ISM1: variants seen among roughly 807,000 people sequenced by gnomAD.
ISM1 encodes isthmin-1.
ISM1 carries 25 observed loss-of-function variants against 46.3 expected under a neutral mutation model. That is an observed-to-expected ratio of 0.54 (90% confidence interval 0.39 to 0.75). The LOEUF is 0.75. Ranked by LOEUF, ISM1 falls within the 30% of genes least tolerant of loss-of-function variation. ISM1 has a pLI of 0.00. For synonymous variants in ISM1, 255 were observed against 256.7 expected, an observed-to-expected ratio of 0.99 and a Z score of 0.06; for missense variants, 536 against 625.4, an observed-to-expected ratio of 0.86 and a Z score of 1.52.
intron 2 of ISM1, among the ~76,000 whole-genome samples, chr20:13,271,747 C>A (rs941653326): frequency 2.6e-5 from 4 of 152,138 alleles, no homozygotes; most frequent in Non-Finnish European, 5.9e-5. Flanking sequence ...GGCAACCCAG[C>A]CCCTATCCAA....
the ISM1 span, among the ~76,000 whole-genome samples, chr20:13,323,072 C>T: frequency 1.2e-4 from 18 of 152,032 alleles, no homozygotes; most frequent in Non-Finnish European, 2.2e-4. Context: ...ACCACCCAGG[C>T]ATTGTGTCAC....
the ISM1 span, among the ~76,000 whole-genome samples, chr20:13,305,716 G>C: frequency 2.6e-5 from 4 of 152,230 alleles, no homozygotes; most frequent in African/African-American, 9.6e-5. Flanking sequence ...TACCATATGA[G>C]AGTAGAAGGA....
At chr20:13,239,425 C>T (rs1307979078) in intron 1 of ISM1, 2 of 152,204 alleles carry the variant, frequency 1.3e-5, no homozygotes, top group Non-Finnish European at 2.9e-5. Flanking sequence ...CAGGGTCCTC[C>T]CTGAGATCTG....
chr20:13,279,670 G>A lies in ISM1; in HGVS notation c.415G>A (p.Ala139Thr), dbSNP rs1314552731. 1.9e-6 allele frequency: 3 copies of A among 1,613,856 alleles called. No homozygotes were observed. Among genetic ancestry groups the A allele is most frequent in the African/African-American group, 2.7e-5 (2 of 74,914 alleles). Residue 139 changes from alanine to threonine, a missense_variant, in exon 3 of 6, where the codon GCA (alanine) becomes ACA (threonine). By Grantham distance (58) the Ala-to-Thr change is moderately conservative. Transcript: ENST00000262487. Reference sequence around the variant, plus strand: ...GGTGGTCGACGGTCCTGACTCTGAAGCAGATAAAGATCAGCATCCGGAGAA... The same window carrying A: ...GGTGGTCGACGGTCCTGACTCTGAAACAGATAAAGATCAGCATCCGGAGAA... ...IEVVDGPDSEADKDQHPENKP... is the reference protein window; with the variant it reads ...IEVVDGPDSETDKDQHPENKP...
intron 1 of ISM1, among the ~76,000 whole-genome samples, chr20:13,250,438 C>G (rs779534696): frequency 6.6e-6 from 1 of 152,152 alleles, no homozygotes; most frequent in Non-Finnish European, 1.5e-5. Flanking sequence ...GCAAACAGAG[C>G]AGGAAAAGAG....
rs1257960895 is a variant in ISM1, at chr20:13,268,310, TTTCTC to T, written c.139-2181_139-2177del. ...CTTTCTTCTCTTCCTTCTCTTCTCT[TTTCTC>T]TTCTCTTCTCTTTCTCCTTCTCCTT... On this transcript the variant is annotated intron_variant, in intron 1 of 5. Coordinates refer to ENST00000262487, the MANE Select transcript of ISM1 (RefSeq NM_080826.2). 5.1e-3 allele frequency among the ~76,000 whole-genome samples: 767 copies of T among 150,656 alleles called. 2 individuals are homozygous for T. Among genetic ancestry groups the T allele is most frequent in the African/African-American group, 0.017 (708 of 40,736 alleles).
Position 13,300,264 on chromosome 20 carries a change from A to G in ISM1, c.*805A>G, listed in dbSNP as rs2040446873. ...CTAGCAGGTTCAGAAGACTGCAGCCAAGTTCAGATGTAAAAACAAGAAGTA... is the reference window on the plus strand; with the variant it reads ...CTAGCAGGTTCAGAAGACTGCAGCCGAGTTCAGATGTAAAAACAAGAAGTA... On this transcript the variant is annotated 3_prime_UTR_variant, in exon 6 of 6. Transcript: ENST00000262487. 1 of 152,252 alleles carries G rather than the reference A, an allele frequency of 6.6e-6. No individual in the cohort carries two copies. Among genetic ancestry groups the G allele is most frequent in the African/African-American group, 2.4e-5 (1 of 41,468 alleles). 9.4% of individuals were successfully genotyped at this position (152,252 alleles called of 1,614,324 possible).
At chr20:13,324,589 C>T in the ISM1 span, among the ~76,000 whole-genome samples, 1 of 152,170 alleles carries the variant, frequency 6.6e-6, no homozygotes, top group African/African-American at 2.4e-5. Flanking sequence ...CTTAATCATG[C>T]TCATCTATTT....
intron 1 of ISM1, chr20:13,239,097 G>GA (rs1373212930): frequency 6.6e-6 from 1 of 152,140 alleles, no homozygotes; most frequent in Non-Finnish European, 1.5e-5. Context: ...ACATCAACTA[G>GA]AAAAAAACTG....
the ISM1 span, among the ~76,000 whole-genome samples, chr20:13,313,243 T>C: frequency 6.6e-6 from 1 of 152,180 alleles, no homozygotes; most frequent in African/African-American, 2.4e-5. Context: ...TCCTAACAAT[T>C]TCCCCCCACA....
chr20:13,225,223 A>G (rs923353865), intron 1 of ISM1, among the ~76,000 whole-genome samples: 6 of 152,126 alleles, frequency 3.9e-5, no homozygotes, highest in Non-Finnish European at 8.8e-5. Flanking sequence ...TTTCAAAAGG[A>G]GAAACTGAGG....
chr20:13,221,791 G>A lies in ISM1; in HGVS notation c.15G>A (p.Ala5=), dbSNP rs765606258. 1 of 1,452,108 alleles carries A rather than the reference G, an allele frequency of 6.9e-7. No homozygotes were observed. The highest frequency in any genetic ancestry group is 9.0e-7 in the Non-Finnish European group (1 of 1,107,622). The allele number at this position is 1,452,108 out of a possible 1,614,324, so 90.0% of individuals were successfully genotyped here. The change falls in exon 1 of 6, where the codon GCG becomes GCA. Residue 5 remains alanine, a synonymous_variant. Transcript: ENST00000262487. The part of the protein sequence containing the change: MVRL[A]AELLLLLGLL... ...GTCTCAAAAGGATGGTGCGCCTGGC[G>A]GCCGAGCTGCTGCTGCTGCTGGGGC...
chr20:13,221,850 G>C lies in ISM1; in HGVS notation c.74G>C (p.Arg25Pro), dbSNP rs2039452811. 2 of 1,440,566 alleles carry C rather than the reference G, an allele frequency of 1.4e-6. No individual in the cohort carries two copies. The highest frequency in any genetic ancestry group is 1.8e-6 in the Non-Finnish European group (2 of 1,101,994). 89.2% of individuals were successfully genotyped at this position (1,440,566 alleles called of 1,614,324 possible). The change falls in exon 1 of 6, where the codon CGC becomes CCC. Residue 25 changes from arginine (R) to proline (P), a missense_variant. Physicochemically the swap from Arg to Pro is moderately radical, Grantham distance 103 (BLOSUM62 -2). Transcript: ENST00000262487. ...CTCACGCTGCACATCACCGTGCTGC[G>C]CGGCTCGGGAGCCGCCGACGGGCCC... ...LLLTLHITVL[R>P]GSGAADGPDA...
At chr20:13,268,398 C>G (rs1373353713) in intron 1 of ISM1, among the ~76,000 whole-genome samples, 1 of 111,400 alleles carries the variant, frequency 9.0e-6, no homozygotes, top group African/African-American at 3.8e-5. Flanking sequence ...CTCTCTCTCT[C>G]TCTCTCCATG....
In ISM1 at chr20:13,300,372, A is replaced by AT. The variant is rs2040447562; in HGVS notation, c.*919dup. On this transcript the variant is annotated 3_prime_UTR_variant, in exon 6 of 6. Coordinates refer to ENST00000262487, the MANE Select transcript of ISM1 (RefSeq NM_080826.2). The stretch of plus-strand genomic sequence containing the variant: ...CACCTATTTTAATACTATTTTAACA[A>AT]TTTTTTCATCTACCAATATATCCCC... The AT allele has an allele frequency of 6.6e-6, 1 of 151,996 alleles. No homozygotes were observed. The highest frequency in any genetic ancestry group is 2.4e-5 in the African/African-American group (1 of 41,362). 9.4% of individuals were successfully genotyped at this position (151,996 alleles called of 1,614,324 possible).
chr20:13,250,132 C>T (rs550810346), intron 1 of ISM1, among the ~76,000 whole-genome samples: 1 of 152,314 alleles, frequency 6.6e-6, no homozygotes, highest in South Asian at 2.1e-4. Context: ...TGCTGGTAGT[C>T]TGCTCCCAGG....
chr20:13,304,005 C>T (rs1009833764), downstream of ISM1, among the ~76,000 whole-genome samples: 2 of 152,214 alleles, frequency 1.3e-5, no homozygotes, highest in Non-Finnish European at 2.9e-5. Flanking sequence ...ACCCAGGGAC[C>T]CAGACTCCTT....
At chr20:13,309,779 C>T in the ISM1 span, among the ~76,000 whole-genome samples, 1 of 151,742 alleles carries the variant, frequency 6.6e-6, no homozygotes, top group African/African-American at 2.4e-5. Flanking sequence ...ATAAAAAAAT[C>T]AGCAATGTTT....
chr20:13,237,209 A>T (rs2039661344), intron 1 of ISM1, among the ~76,000 whole-genome samples: 2 of 152,240 alleles, frequency 1.3e-5, no homozygotes, highest in South Asian at 4.1e-4. Flanking sequence ...CAACATATCA[A>T]CATGCCCTTG....
Sources: gnomAD v4.1 joint callset for allele counts (sites outside exome capture counted in the v4.1 genomes callset) on GRCh38, gnomAD v4.1.1 for gene constraint, MANE v1.5 for transcripts, NCBI Gene and HGNC (gene_info 2026-07-23, HGNC 2026-07-21) for gene names.